RARB: variants seen among roughly 807,000 people sequenced by gnomAD.
The protein encoded by RARB is retinoic acid receptor beta, also known as HBV-activated protein.
A neutral mutation model predicts 51.9 loss-of-function variants in RARB; 17 were observed. The observed-to-expected ratio is 0.33, with a 90% CI of 0.22 to 0.49. The LOEUF (loss-of-function observed/expected upper bound fraction) is 0.49, where lower values mean the gene tolerates loss of function less well. Among genes scored for constraint, RARB ranks in the 20% least tolerant of loss-of-function variants. RARB has a pLI of 0.99. For synonymous variants in RARB, 215 were observed against 195.4 expected (o/e 1.10, Z -0.84); for missense variants, 369 against 550.8 (o/e 0.67, Z 3.30).
chr3:25,249,898 C>A (rs1455533608), intron 5 of RARB, among the ~76,000 whole-genome samples: 1 of 152,188 alleles, frequency 6.6e-6, no homozygotes, highest in Non-Finnish European at 1.5e-5. Flanking sequence ...CATATGCTTG[C>A]AGCACTATTG....
intron 2 of RARB, among the ~76,000 whole-genome samples, chr3:24,989,350 TTCTC>T (rs1394428046): frequency 6.6e-6 from 1 of 152,204 alleles, no homozygotes; most frequent in Non-Finnish European, 1.5e-5. Flanking sequence ...GCTGGAGTCT[TTCTC>T]AGGTAAATAC....
At chr3:25,083,289 T>A (rs1173467514) in intron 3 of RARB, among the ~76,000 whole-genome samples, 1 of 152,174 alleles carries the variant, frequency 6.6e-6, no homozygotes, top group Non-Finnish European at 1.5e-5. Flanking sequence ...TAATTGCATG[T>A]ATGGTAACCT....
intron 2 of RARB, among the ~76,000 whole-genome samples, chr3:25,021,691 G>A (rs1256796133): frequency 6.6e-6 from 1 of 151,968 alleles, no homozygotes; most frequent in Non-Finnish European, 1.5e-5. Flanking sequence ...TGTACATTCA[G>A]TTTTCCATTT....
chr3:24,973,923 C>A (rs1264628131), intron 2 of RARB, among the ~76,000 whole-genome samples: 1 of 151,960 alleles, frequency 6.6e-6, no homozygotes, highest in Non-Finnish European at 1.5e-5. Flanking sequence ...TCCTCCTTTC[C>A]AATTTGGGTG....
chr3:25,507,111 T>C (rs185380743), intron 3 of RARB, among the ~76,000 whole-genome samples: 1 of 152,360 alleles, frequency 6.6e-6, no homozygotes, highest in East Asian at 1.9e-4. Flanking sequence ...CGCAAACTTA[T>C]TATATTATAC....
At chr3:24,872,353 C>T (rs1325505144) in intron 2 of RARB, among the ~76,000 whole-genome samples, 1 of 152,162 alleles carries the variant, frequency 6.6e-6, no homozygotes, top group Non-Finnish European at 1.5e-5. Context: ...TCCTAATCCC[C>T]TCATCTCTGT....
intron 4 of RARB, among the ~76,000 whole-genome samples, chr3:25,156,112 T>C (rs779598081): frequency 2.0e-5 from 3 of 152,190 alleles, no homozygotes; most frequent in Non-Finnish European, 4.4e-5. Context: ...CACATCAGCA[T>C]CAATAGTAGT....
chr3:25,489,731 G>A (rs1696636604), intron 2 of RARB, among the ~76,000 whole-genome samples: 3 of 152,222 alleles, frequency 2.0e-5, no homozygotes, highest in African/African-American at 7.2e-5. Flanking sequence ...AACAAGGCAG[G>A]GAAAGGACTT....
chr3:25,559,318 T>A (rs2125676919), intron 3 of RARB, among the ~76,000 whole-genome samples: 1 of 152,332 alleles, frequency 6.6e-6, no homozygotes, highest in South Asian at 2.1e-4. Flanking sequence ...TATAAGGGTA[T>A]TCAGCTCAAG....
chr3:25,425,438 G>C (rs1422598246), upstream of RARB, among the ~76,000 whole-genome samples: 1 of 152,094 alleles, frequency 6.6e-6, no homozygotes, highest in African/African-American at 2.4e-5. Flanking sequence ...TTAATACTTG[G>C]ATTAAGTAAT....
chr3:25,543,323 A>T (rs1699463483), intron 3 of RARB, among the ~76,000 whole-genome samples: 1 of 152,176 alleles, frequency 6.6e-6, no homozygotes, highest in African/African-American at 2.4e-5. Context: ...ATTAACTAGG[A>T]GTTGCCAGAA....
chr3:25,298,314 C>T (rs2125426012), intron 5 of RARB, among the ~76,000 whole-genome samples: 1 of 152,056 alleles, frequency 6.6e-6, no homozygotes, highest in East Asian at 1.9e-4. Flanking sequence ...TCCTAAGTAG[C>T]TGGGGTTACA....
intron 5 of RARB, among the ~76,000 whole-genome samples, chr3:25,286,347 C>T (rs1703656057): frequency 6.6e-6 from 1 of 152,156 alleles, no homozygotes; most frequent in Non-Finnish European, 1.5e-5. Flanking sequence ...CTTGGCCTCC[C>T]AAAGTGCTGG....
chr3:25,386,604 C>T (rs1706801357), intron 5 of RARB, among the ~76,000 whole-genome samples: 1 of 152,306 alleles, frequency 6.6e-6, no homozygotes, highest in Admixed American at 6.5e-5. Flanking sequence ...TCATATAGGG[C>T]TTCTTCAGAG....
chr3:24,880,428 A>G (rs564630811), intron 2 of RARB, among the ~76,000 whole-genome samples: 1 of 152,156 alleles, frequency 6.6e-6, no homozygotes, highest in Non-Finnish European at 1.5e-5. Context: ...AAAATAATAA[A>G]GCTTATAACC....
At chr3:25,031,331 T>C (rs1008823121) in intron 2 of RARB, among the ~76,000 whole-genome samples, 21 of 152,180 alleles carry the variant, frequency 1.4e-4, no homozygotes, top group Non-Finnish European at 2.6e-4. Context: ...ACCATAAAAC[T>C]GTTAAGAAAC....
intron 2 of RARB, among the ~76,000 whole-genome samples, chr3:25,049,757 G>C (rs926241289): frequency 7.9e-5 from 12 of 152,198 alleles, no homozygotes; most frequent in Admixed American, 7.2e-4. Context: ...AATCCAAACT[G>C]ATGTGTTAAC....
At chr3:25,411,073 C>T (rs1008057738) in intron 5 of RARB, among the ~76,000 whole-genome samples, 1 of 152,212 alleles carries the variant, frequency 6.6e-6, no homozygotes, top group Non-Finnish European at 1.5e-5. Context: ...GTAACATATC[C>T]TATACCTTTC....
chr3:25,215,227 T>C (rs1161140698), intron 5 of RARB, among the ~76,000 whole-genome samples: 1 of 152,204 alleles, frequency 6.6e-6, no homozygotes, highest in Non-Finnish European at 1.5e-5. Context: ...TGGTTCTCTG[T>C]AGCCAGGGTT....
Sources: allele counts gnomAD v4.1 joint callset (sites outside exome capture counted in the v4.1 genomes callset), GRCh38; gene constraint gnomAD v4.1.1; transcripts MANE v1.5; gene names NCBI Gene and HGNC (gene_info 2026-07-23, HGNC 2026-07-21).